The following RHEB variants were observed in gnomAD, a reference collection of about 807,000 sequenced individuals.
RHEB encodes GTP-binding protein Rheb.
In RHEB, 2 loss-of-function variants were observed where a neutral mutation model predicts 28.8. The ratio of observed to expected loss-of-function variants is 0.07; its 90% CI spans 0.03 to 0.22. The LOEUF is 0.22. Ranked by LOEUF, RHEB falls within the 10% of genes least tolerant of loss-of-function variation. The pLI is 1.00. For synonymous variants in RHEB, 69 were observed against 77.3 expected (o/e 0.89, Z 0.56); for missense variants, 76 against 219.9 (o/e 0.35, Z 4.14).
intron 1 of RHEB, among the ~76,000 whole-genome samples, chr7:151,494,581 C>T (rs545361515): frequency 3.4e-4 from 52 of 152,176 alleles, no homozygotes; most frequent in Non-Finnish European, 6.5e-4. Flanking sequence ...AAAATCACAT[C>T]GCAGGTTGAC....
Position 151,490,276 on chromosome 7 carries a change from A to G in RHEB, c.124+667T>C, listed in dbSNP as rs2150928995. Among the ~76,000 whole-genome samples, 3 of 152,318 alleles carry G rather than the reference A, an allele frequency of 2.0e-5. 1 individual carries two copies. The Middle Eastern group carries it at 0.01, about 518-fold the overall frequency. Reference sequence around the variant, plus strand: ...AACACTGTGAGACTCATGTCTCTTTAAAAAATAAAATAAAATAAATAAATA... The same window carrying G: ...AACACTGTGAGACTCATGTCTCTTTGAAAAATAAAATAAAATAAATAAATA... On this transcript the variant is annotated intron_variant, in intron 2 of 7. Coordinates refer to ENST00000262187, the MANE Select transcript of RHEB (RefSeq NM_005614.4).
intron 1 of RHEB, 84 bp downstream of exon 1, chr7:151,519,376 C>T: frequency 9.5e-7 from 1 of 1,048,846 alleles, no homozygotes; most frequent in South Asian, 4.1e-5. Flanking sequence ...GCGCCGGCTC[C>T]AAACTTCGCA....
chr7:151,467,490 C>A (rs1190683396), intron 7 of RHEB, among the ~76,000 whole-genome samples: 5 of 151,254 alleles, frequency 3.3e-5, no homozygotes, highest in Non-Finnish European at 4.4e-5. Context: ...GACTCACCAC[C>A]ATCTCCTGTC....
chr7:151,490,848 T>C, intron 2 of RHEB, 95 bp downstream of exon 2: 1 of 921,580 alleles, frequency 1.1e-6, no homozygotes, highest in Non-Finnish European at 1.8e-6. Context: ...CACACAGAAT[T>C]TACCTCCTGC....
intron 4 of RHEB, among the ~76,000 whole-genome samples, chr7:151,476,982 C>T (rs996406098): frequency 6.6e-6 from 1 of 152,220 alleles, no homozygotes; most frequent in African/African-American, 2.4e-5. Context: ...CCCAAACCCC[C>T]ACATTTTATT....
intron 1 of RHEB, chr7:151,503,384 G>A: frequency 9.9e-7 from 1 of 1,008,242 alleles, no homozygotes; most frequent in African/African-American, 1.6e-5. Context: ...GGAATTGGAG[G>A]TATCCTGCAG....
chr7:151,519,341 C>G, intron 1 of RHEB, 119 bp downstream of exon 1: 2 of 638,716 alleles, frequency 3.1e-6, no homozygotes, highest in Non-Finnish European at 4.3e-6. Context: ...AAACGCGCGG[C>G]CCCCGCCCGC....
At chr7:151,487,313 A>C (rs1206787051) in intron 2 of RHEB, among the ~76,000 whole-genome samples, 2 of 152,216 alleles carry the variant, frequency 1.3e-5, no homozygotes, top group Non-Finnish European at 2.9e-5. Context: ...GTAGAATAAA[A>C]TAAATTATAA....
chr7:151,503,383 G>A, intron 1 of RHEB: 1 of 1,007,748 alleles, frequency 9.9e-7, no homozygotes, highest in Non-Finnish European at 1.6e-6. Context: ...TGGAATTGGA[G>A]GTATCCTGCA....
chr7:151,469,471 G>A (rs1802121286), intron 7 of RHEB, among the ~76,000 whole-genome samples: 1 of 151,970 alleles, frequency 6.6e-6, no homozygotes. Flanking sequence ...TGCGGAGAGG[G>A]GCGGGGCAGG....
chr7:151,472,367 GCAAC>G lies in RHEB; in HGVS notation c.276-766_276-763del, dbSNP rs1162500298. On this transcript the variant is annotated intron_variant, in intron 4 of 7. Coordinates refer to ENST00000262187, the MANE Select transcript of RHEB (RefSeq NM_005614.4). This position sits in a 1 kb window ranked among gnomAD's most constrained non-coding sequence, Gnocchi z 5.2. ...TTCCCCGCCACCCCTGCTCAGCACAGCAACCAGAGGACTCTGCTGCAGCAGATGG... is the reference window on the plus strand; with the variant it reads ...TTCCCCGCCACCCCTGCTCAGCACAGCAGAGGACTCTGCTGCAGCAGATGG... 6.6e-6 allele frequency among the ~76,000 whole-genome samples: 1 copy of G among 152,152 alleles called. No individual in the cohort carries two copies. The highest frequency in any genetic ancestry group is 1.5e-5 in the Non-Finnish European group (1 of 68,042).
chr7:151,476,524 G>A (rs1199402359), intron 4 of RHEB, among the ~76,000 whole-genome samples: 2 of 152,182 alleles, frequency 1.3e-5, no homozygotes, highest in Non-Finnish European at 2.9e-5. Context: ...TTAGGTCTCT[G>A]TCACTCAGTT....
At chr7:151,474,330 G>A (rs6972494) in intron 4 of RHEB, among the ~76,000 whole-genome samples, 14,999 of 151,884 alleles carry the variant, frequency 0.099, 1,246 homozygotes, top group African/African-American at 0.22. Flanking sequence ...ACAGGCACCC[G>A]CCACCACACC....
intron 1 of RHEB, among the ~76,000 whole-genome samples, chr7:151,504,315 G>C (rs1411012901): frequency 1.3e-5 from 2 of 151,986 alleles, no homozygotes; most frequent in Non-Finnish European, 2.9e-5. Context: ...CAATTTAAGT[G>C]GGGGGAAAAA....
chr7:151,518,698 G>A (rs1803125602), intron 1 of RHEB, among the ~76,000 whole-genome samples: 1 of 152,078 alleles, frequency 6.6e-6, no homozygotes, highest in Non-Finnish European at 1.5e-5. Context: ...CCTTTTGGGG[G>A]AAGAAAAAGA....
Position 151,496,562 on chromosome 7 carries a change from G to A in RHEB, c.53-5548C>T, listed in dbSNP as rs73729820. Reference sequence around the variant, plus strand: ...CTCAGTTATACATACATTTATTACTGGGTCACAATGTAAAATGTGTTTCTT... The same window carrying A: ...CTCAGTTATACATACATTTATTACTAGGTCACAATGTAAAATGTGTTTCTT... On this transcript the variant is annotated intron_variant, in intron 1 of 7. Coordinates refer to ENST00000262187, the MANE Select transcript of RHEB (RefSeq NM_005614.4). 9.7e-3 allele frequency among the ~76,000 whole-genome samples: 1,480 copies of A among 152,102 alleles called. 24 individuals are homozygous for A. Among genetic ancestry groups the A allele is most frequent in the African/African-American group, 0.033 (1,375 of 41,478 alleles).
chr7:151,512,692 G>A (rs982536257), intron 1 of RHEB, among the ~76,000 whole-genome samples: 3 of 152,214 alleles, frequency 2.0e-5, no homozygotes, highest in African/African-American at 7.2e-5. Flanking sequence ...CCATATCGCT[G>A]TGAACAGCAT....
chr7:151,517,442 T>A (rs1309711809), intron 1 of RHEB, among the ~76,000 whole-genome samples: 1 of 150,366 alleles, frequency 6.7e-6, no homozygotes, highest in African/African-American at 2.4e-5. Context: ...TTAATATGAC[T>A]ACGCTTGAAA....
At chr7:151,502,695 A>G (rs1303039828) in intron 1 of RHEB, 11 of 1,609,756 alleles carry the variant, frequency 6.8e-6, no homozygotes, top group Non-Finnish European at 8.5e-6. Context: ...TCCTGCACAA[A>G]TTCACTGTGG....
Sources: allele counts gnomAD v4.1 joint callset (sites outside exome capture counted in the v4.1 genomes callset), GRCh38; gene constraint gnomAD v4.1.1; non-coding constraint Gnocchi (gnomAD v3.1); transcripts MANE v1.5; gene names NCBI Gene and HGNC (gene_info 2026-07-23, HGNC 2026-07-21).